Variants in SMYD3 observed in about 807,000 individuals in gnomAD.
SMYD3 encodes SET and MYND domain containing 3.
A neutral mutation model predicts 57.7 loss-of-function variants in SMYD3; 36 were observed. The observed-to-expected ratio is 0.62, with a 90% CI of 0.48 to 0.82. The LOEUF is 0.82. Ranked by LOEUF, SMYD3 falls within the 40% of genes least tolerant of loss-of-function variation. The pLI is 0.00. For missense variants in SMYD3, 515 were observed against 538.8 expected, an observed-to-expected ratio of 0.96 and a Z score of 0.44; for synonymous variants, 211 against 195.0, an observed-to-expected ratio of 1.08 and a Z score of -0.68.
intron 5 of SMYD3, among the ~76,000 whole-genome samples, chr1:246,242,676 C>T (rs2063634450): frequency 6.6e-6 from 1 of 151,746 alleles, no homozygotes; most frequent in South Asian, 2.1e-4. Context: ...AGTCAAGACC[C>T]ATCAGTGTGC....
intron 5 of SMYD3, among the ~76,000 whole-genome samples, chr1:246,116,694 C>T (rs2061347619): frequency 6.6e-6 from 1 of 152,172 alleles, no homozygotes; most frequent in South Asian, 2.1e-4. Flanking sequence ...AGCTTTCATA[C>T]ATAGCACATA....
At chr1:245,822,788 C>A (rs575868415) in intron 10 of SMYD3, among the ~76,000 whole-genome samples, 16 of 152,144 alleles carry the variant, frequency 1.1e-4, no homozygotes, top group Non-Finnish European at 2.1e-4. Flanking sequence ...TCCATAGTTC[C>A]TCTTAACTCC....
intron 5 of SMYD3, among the ~76,000 whole-genome samples, chr1:245,950,295 A>G (rs535594952): frequency 1.5e-4 from 23 of 152,232 alleles, no homozygotes; most frequent in African/African-American, 5.1e-4. Flanking sequence ...TTGGCTACCA[A>G]TTCCCACGTG....
chr1:246,412,479 A>G (rs1324831939), intron 1 of SMYD3, among the ~76,000 whole-genome samples: 1 of 152,196 alleles, frequency 6.6e-6, no homozygotes, highest in Non-Finnish European at 1.5e-5. Context: ...AAAAAAATAG[A>G]TTCCAATAAA....
chr1:245,859,840 C>T lies in SMYD3; in HGVS notation c.902-1170G>A, dbSNP rs567696656. On this transcript the variant is annotated intron_variant, in intron 9 of 11. Coordinates refer to ENST00000490107, the MANE Select transcript of SMYD3 (RefSeq NM_001167740.2). Reference sequence around the variant, plus strand: ...AGCTAGATTCAGATCTAATCGAGTCCTGTCATTTATCAGAGTTGAGGTTCT... The same window carrying T: ...AGCTAGATTCAGATCTAATCGAGTCTTGTCATTTATCAGAGTTGAGGTTCT... Among the ~76,000 whole-genome samples the T allele has an allele frequency of 2.0e-5, 3 of 152,312 alleles. No individual in the cohort carries two copies. The East Asian group carries it at 5.8e-4, about 29-fold the overall frequency.
intron 5 of SMYD3, among the ~76,000 whole-genome samples, chr1:246,211,546 T>TG (rs71776422): frequency 0.27 from 40,333 of 151,918 alleles, 6,069 homozygotes; most frequent in East Asian, 0.58. Context: ...CTAAATTAAT[T>TG]GTACCTGTGA....
chr1:246,182,472 A>G (rs1023058004), intron 5 of SMYD3, among the ~76,000 whole-genome samples: 3 of 152,262 alleles, frequency 2.0e-5, no homozygotes, highest in African/African-American at 4.8e-5. Flanking sequence ...CTGAAGTGAT[A>G]ACGTCACAGG....
At chr1:246,248,742 C>G (rs981457022) in intron 5 of SMYD3, among the ~76,000 whole-genome samples, 3 of 147,108 alleles carry the variant, frequency 2.0e-5, no homozygotes, top group Non-Finnish European at 4.5e-5. Flanking sequence ...CCCGGGTTCA[C>G]GCCATTGTCC....
At chr1:246,302,170 T>C (rs2064901962) in intron 5 of SMYD3, among the ~76,000 whole-genome samples, 1 of 152,152 alleles carries the variant, frequency 6.6e-6, no homozygotes, top group African/African-American at 2.4e-5. Flanking sequence ...ACTTTTCCTG[T>C]TGAATTTGGA....
intron 8 of SMYD3, among the ~76,000 whole-genome samples, chr1:245,911,565 TA>T (rs968393396): frequency 6.6e-6 from 1 of 151,224 alleles, no homozygotes; most frequent in African/African-American, 2.4e-5. Context: ...TGAAAAGTAA[TA>T]AAATCCTGTC....
intron 5 of SMYD3, among the ~76,000 whole-genome samples, chr1:246,197,830 A>G (rs1460702922): frequency 1.3e-5 from 2 of 152,202 alleles, no homozygotes; most frequent in African/African-American, 2.4e-5. Context: ...AACACTCTGT[A>G]CTATTCACAA....
chr1:245,804,214 T>C (rs147470305), intron 10 of SMYD3, among the ~76,000 whole-genome samples: 36 of 151,958 alleles, frequency 2.4e-4, no homozygotes, highest in Admixed American at 5.9e-4. Context: ...CCCAGCTGAG[T>C]CAGTATCTTT....
At chr1:246,347,416 A>C (rs781248459) in intron 2 of SMYD3, among the ~76,000 whole-genome samples, 1 of 152,244 alleles carries the variant, frequency 6.6e-6, no homozygotes, top group Non-Finnish European at 1.5e-5. Context: ...AAGTTTTTTA[A>C]AATACTGAGA....
chr1:245,814,881 C>G (rs558096420), intron 10 of SMYD3, among the ~76,000 whole-genome samples: 1 of 151,862 alleles, frequency 6.6e-6, no homozygotes, highest in Non-Finnish European at 1.5e-5. Flanking sequence ...CACGCACGCA[C>G]ACACGCATGC....
At chr1:245,923,351 T>C (rs1389149040) in intron 7 of SMYD3, among the ~76,000 whole-genome samples, 1 of 151,678 alleles carries the variant, frequency 6.6e-6, no homozygotes, top group African/African-American at 2.4e-5. Flanking sequence ...CCTTCAATCA[T>C]GTCCCGCTGC....
chr1:246,375,325 CTTTTTTTTT>C (rs60882470), intron 1 of SMYD3, among the ~76,000 whole-genome samples: 12 of 62,264 alleles, frequency 1.9e-4, no homozygotes, highest in East Asian at 1.2e-3. Context: ...TAATGAGAGA[CTTTTTTTTT>C]TTTTTTTTTT....
At chr1:246,192,865 G>A (rs772349909) in intron 5 of SMYD3, among the ~76,000 whole-genome samples, 1 of 151,286 alleles carries the variant, frequency 6.6e-6, no homozygotes, top group Non-Finnish European at 1.5e-5. Context: ...CTTGGCAAGA[G>A]TAATGCATTC....
chr1:246,144,631 C>T (rs1348683267), intron 5 of SMYD3, among the ~76,000 whole-genome samples: 1 of 152,156 alleles, frequency 6.6e-6, no homozygotes, highest in Non-Finnish European at 1.5e-5. Context: ...TTGTTAATGA[C>T]AGGAGCATAT....
At chr1:245,775,391 C>G (rs746760904) in intron 10 of SMYD3, among the ~76,000 whole-genome samples, 10 of 152,158 alleles carry the variant, frequency 6.6e-5, no homozygotes, top group Non-Finnish European at 1.3e-4. Flanking sequence ...GCCTTGGGAT[C>G]CTGTTGATCT....
Sources: gnomAD v4.1 joint callset for allele counts (sites outside exome capture counted in the v4.1 genomes callset) on GRCh38, gnomAD v4.1.1 for gene constraint, MANE v1.5 for transcripts, NCBI Gene and HGNC (gene_info 2026-07-23, HGNC 2026-07-21) for gene names.